BPTF: variants seen among roughly 807,000 people sequenced by gnomAD.
The protein encoded by BPTF is bromodomain PHD finger transcription factor.
Under a neutral mutation model 292.5 loss-of-function variants are expected in BPTF, and 18 were observed. That is an observed-to-expected ratio of 0.06 (90% confidence interval 0.04 to 0.09). BPTF has a LOEUF of 0.09. Among genes scored for constraint, BPTF ranks in the 10% least tolerant of loss-of-function variants. The pLI, the probability that BPTF is intolerant of heterozygous loss-of-function variation, is 1.00. For synonymous variants in BPTF, 1,225 were observed against 1,251.9 expected, an observed-to-expected ratio of 0.98 and a Z score of 0.45; for missense variants, 2,726 against 3,498.7, an observed-to-expected ratio of 0.78 and a Z score of 5.57.
intron 1 of BPTF, 134 bp from the exon 2 acceptor site, chr17:67,853,806 C>G: frequency 1.4e-6 from 1 of 689,830 alleles, no homozygotes; most frequent in Non-Finnish European, 2.4e-6. Flanking sequence ...ATCATTGCTT[C>G]TTCGTATTAT....
intron 4 of BPTF, among the ~76,000 whole-genome samples, chr17:67,891,061 T>G (rs2061075001): frequency 6.6e-6 from 1 of 152,106 alleles, no homozygotes. Context: ...TGCATGCCTG[T>G]GGTTCCAGCT....
At chr17:67,981,984 A>AATATATATATATAT (rs35063149) in intron 27 of BPTF, 3 of 137,792 alleles carry the variant, frequency 2.2e-5, no homozygotes, top group African/African-American at 8.6e-5. Context: ...TTATTAGACA[A>AATATATATATATAT]ATATATATAT....
intron 26 of BPTF, among the ~76,000 whole-genome samples, chr17:67,969,886 A>G (rs1179502298): frequency 6.6e-6 from 1 of 152,118 alleles, no homozygotes; most frequent in African/African-American, 2.4e-5. Flanking sequence ...AGATCGCACC[A>G]TTGCACTCCA....
At chr17:67,940,146 T>C (rs1299039767) in intron 18 of BPTF, among the ~76,000 whole-genome samples, 1 of 152,242 alleles carries the variant, frequency 6.6e-6, no homozygotes, top group African/African-American at 2.4e-5. Context: ...TTCTTTTTTG[T>C]CTTCCCTATT....
chr17:67,979,753 T>C (rs1232145767), intron 27 of BPTF, among the ~76,000 whole-genome samples: 1 of 151,854 alleles, frequency 6.6e-6, no homozygotes, highest in Non-Finnish European at 1.5e-5. Context: ...TATAAGAAAT[T>C]ACCCTGGCCG....
At chr17:67,852,621 T>G (rs1182908375) in intron 1 of BPTF, among the ~76,000 whole-genome samples, 6 of 152,246 alleles carry the variant, frequency 3.9e-5, no homozygotes, top group Non-Finnish European at 7.3e-5. Context: ...TGCATCATAA[T>G]TCATTTGACT....
rs1489244440 is a variant in BPTF, at chr17:67,918,696, C to T, written c.5304-18C>T. Reference sequence around the variant, plus strand: ...TATACATATAGATATATATGGATTTCTTTGGTTTTCCTTTCAGGTATAGAC... The same window carrying T: ...TATACATATAGATATATATGGATTTTTTTGGTTTTCCTTTCAGGTATAGAC... On this transcript the variant is annotated intron_variant, in intron 11 of 27. Coordinates refer to ENST00000306378, the MANE Select transcript of BPTF (RefSeq NM_182641.4). 1 of 1,606,194 alleles carries T rather than the reference C, an allele frequency of 6.2e-7. No individual in the cohort carries two copies. Among genetic ancestry groups the T allele is most frequent in the South Asian group, 1.1e-5 (1 of 90,924 alleles).
chr17:67,837,412 T>G (rs2057214994), intron 1 of BPTF, among the ~76,000 whole-genome samples: 2 of 151,054 alleles, frequency 1.3e-5, no homozygotes, highest in South Asian at 2.1e-4. Context: ...TTATGTGTTT[T>G]GTTTTTTTTT....
chr17:67,940,093 A>G (rs1035226413), intron 18 of BPTF, among the ~76,000 whole-genome samples: 4 of 152,196 alleles, frequency 2.6e-5, no homozygotes, highest in Non-Finnish European at 5.9e-5. Flanking sequence ...TTAATATTAT[A>G]TTCCTAAGAA....
intron 1 of BPTF, among the ~76,000 whole-genome samples, chr17:67,838,935 A>T (rs184080298): frequency 2.0e-5 from 3 of 152,362 alleles, no homozygotes. Flanking sequence ...AAATTAATTT[A>T]GTATTTAGCC....
intron 3 of BPTF, among the ~76,000 whole-genome samples, chr17:67,870,376 C>T (rs2059649013): frequency 6.6e-6 from 1 of 151,614 alleles, no homozygotes; most frequent in Non-Finnish European, 1.5e-5. Context: ...TTTTGGGTGC[C>T]TCCTGTGGGC....
intron 23 of BPTF, among the ~76,000 whole-genome samples, chr17:67,954,553 C>T (rs2148164126): frequency 6.6e-6 from 1 of 152,250 alleles, no homozygotes; most frequent in South Asian, 2.1e-4. Flanking sequence ...AGTGTTCGGC[C>T]ACCTCTTCTT....
In BPTF at chr17:67,826,150, CGAGGAG is replaced by C. The variant is rs751039972; in HGVS notation, c.441_446del (p.Glu147_Glu148del). ...AGGAGGAAGAGGAGGACATGGTCTC[CGAGGAG>C]GAGGAGGAGGAGGACGGCGACGCCG... On this transcript the variant is annotated inframe_deletion, in exon 1 of 28. Transcript: ENST00000306378. The C allele has an allele frequency of 7.3e-5, 110 of 1,497,752 alleles. 1 individual carries two copies. The highest frequency in any genetic ancestry group is 3.6e-4 in the South Asian group (32 of 88,022). The allele number at this position is 1,497,752 out of a possible 1,614,324, so 92.8% of individuals were successfully genotyped here.
At chr17:67,851,104 G>A (rs1014930650) in intron 1 of BPTF, among the ~76,000 whole-genome samples, 3 of 152,036 alleles carry the variant, frequency 2.0e-5, no homozygotes, top group Admixed American at 6.6e-5. Flanking sequence ...CTCCAGAGTC[G>A]GCCACTTATC....
At chr17:67,934,063 A>G (rs1191292380) in intron 18 of BPTF, among the ~76,000 whole-genome samples, 1 of 152,164 alleles carries the variant, frequency 6.6e-6, no homozygotes, top group Non-Finnish European at 1.5e-5. Context: ...GAAAAAAAAA[A>G]TAATAATTCA....
intron 4 of BPTF, among the ~76,000 whole-genome samples, chr17:67,881,580 T>A (rs2060409072): frequency 1.4e-5 from 2 of 138,828 alleles, no homozygotes; most frequent in Admixed American, 1.6e-4. Context: ...TATGGCTTAC[T>A]GCAACCTCCG....
At chr17:67,898,335 T>A (rs1299708078) in intron 7 of BPTF, among the ~76,000 whole-genome samples, 2 of 152,192 alleles carry the variant, frequency 1.3e-5, no homozygotes. Context: ...CACTCCATCC[T>A]GAGCAACAGA....
At position 67,912,837 on chromosome 17, in the gene BPTF, G is replaced by A. The variant is rs1365262189; in HGVS notation, c.4953G>A (p.Glu1651=). The change falls in exon 11 of 28, where the codon GAG becomes GAA. Residue 1651 remains glutamate, a synonymous_variant. Coordinates refer to ENST00000306378, the MANE Select transcript of BPTF (RefSeq NM_182641.4). Reference sequence around the variant, plus strand: ...GTGTGGACATCATCTCTGTAAAGGAGCAGAGCAAAACCGTGGTCACCACGA... The same window carrying A: ...GTGTGGACATCATCTCTGTAAAGGAACAGAGCAAAACCGTGGTCACCACGA... The part of the protein sequence containing the change: ...GGSVDIISVK[E]QSKTVVTTTV... 2 of 1,614,056 alleles carry A rather than the reference G, an allele frequency of 1.2e-6. No individual in the cohort carries two copies. The highest frequency in any genetic ancestry group is 3.3e-5 in the Admixed American group (2 of 59,986).
In BPTF at chr17:67,912,820, A is replaced by G. The variant is rs1478510841; in HGVS notation, c.4936A>G (p.Ile1646Val). Residue 1646 changes from isoleucine (I) to valine (V), a missense_variant, in exon 11 of 28, where the codon ATC becomes GTC. Transcript: ENST00000306378. ...ACCCTCCACAGGCGGCAGTGTGGAC[A>G]TCATCTCTGTAAAGGAGCAGAGCAA... The part of the protein sequence containing the change: ...STPSTGGSVD[I>V]ISVKEQSKTV... 51 of 1,614,070 alleles carry G rather than the reference A, an allele frequency of 3.2e-5. No individual in the cohort carries two copies. Among genetic ancestry groups the G allele is most frequent in the Non-Finnish European group, 4.1e-5 (48 of 1,180,024 alleles).
Sources: allele counts gnomAD v4.1 joint callset (sites outside exome capture counted in the v4.1 genomes callset), GRCh38; gene constraint gnomAD v4.1.1; transcripts MANE v1.5; gene names NCBI Gene and HGNC (gene_info 2026-07-23, HGNC 2026-07-21).